The following FRMD3 variants were observed in gnomAD, a reference collection of about 807,000 sequenced individuals.
FRMD3 encodes FERM domain containing 3, also known as FERM domain-containing protein 3.
In FRMD3, 33 loss-of-function variants were observed where a neutral mutation model predicts 70.2. The observed-to-expected ratio is 0.47, with a 90% CI of 0.36 to 0.63. The LOEUF is 0.63. FRMD3 is among the 20% of genes least tolerant of loss of function. The pLI, the probability that FRMD3 is intolerant of heterozygous loss-of-function variation, is 0.00. For synonymous variants in FRMD3, 279 were observed against 255.9 expected (o/e 1.09, Z -0.86); for missense variants, 632 against 711.4 (o/e 0.89, Z 1.27).
intron 1 of FRMD3, among the ~76,000 whole-genome samples, chr9:83,507,796 T>C (rs140469856): frequency 0.039 from 5,569 of 142,242 alleles, 170 homozygotes; most frequent in Non-Finnish European, 0.061. Context: ...TAACATTTTG[T>C]ATATAAGTAG....
At chr9:83,526,809 C>T (rs890847526) in intron 1 of FRMD3, among the ~76,000 whole-genome samples, 2 of 151,774 alleles carry the variant, frequency 1.3e-5, no homozygotes, top group Non-Finnish European at 2.9e-5. Flanking sequence ...TTCAAACAAA[C>T]TTTAATTTAC....
At chr9:83,489,885 T>C (rs1229206043) in intron 1 of FRMD3, among the ~76,000 whole-genome samples, 1 of 152,216 alleles carries the variant, frequency 6.6e-6, no homozygotes, top group Non-Finnish European at 1.5e-5. Flanking sequence ...GAAGGACCTA[T>C]GACTTTTGTT....
chr9:83,495,715 A>G (rs1165752480), intron 1 of FRMD3, among the ~76,000 whole-genome samples: 1 of 152,236 alleles, frequency 6.6e-6, no homozygotes, highest in East Asian at 1.9e-4. Context: ...GACAAAAGTC[A>G]TGGTGAATGG....
upstream of FRMD3, among the ~76,000 whole-genome samples, chr9:83,541,764 G>A (rs557699402): frequency 6.6e-6 from 1 of 152,102 alleles, no homozygotes; most frequent in Non-Finnish European, 1.5e-5. Flanking sequence ...ACTTCAGAAT[G>A]GTGTGACTCA....
chr9:83,303,525 T>C (rs1380311195), intron 10 of FRMD3, among the ~76,000 whole-genome samples: 2 of 152,218 alleles, frequency 1.3e-5, no homozygotes, highest in Non-Finnish European at 2.9e-5. Context: ...CCCAAGAATC[T>C]GCATTTCCAA....
At chr9:83,290,748 G>A in intron 12 of FRMD3, 21 bp from the exon 13 acceptor site, 1 of 1,588,994 alleles carries the variant, frequency 6.3e-7, no homozygotes, top group East Asian at 2.2e-5. Context: ...ACACAAGCCA[G>A]ACAGAGTTGG....
At chr9:83,293,394 G>T (rs1295874302) in intron 12 of FRMD3, among the ~76,000 whole-genome samples, 1 of 152,136 alleles carries the variant, frequency 6.6e-6, no homozygotes, top group Non-Finnish European at 1.5e-5. Flanking sequence ...TCTTGCACGT[G>T]CAGTTCTGAA....
upstream of FRMD3, among the ~76,000 whole-genome samples, chr9:83,542,935 T>C (rs2131574419): frequency 6.6e-6 from 1 of 152,262 alleles, no homozygotes; most frequent in South Asian, 2.1e-4. Flanking sequence ...CCACACACTG[T>C]TCACAAATTT....
At chr9:83,273,027 A>G (rs4391510) in intron 13 of FRMD3, among the ~76,000 whole-genome samples, 132,444 of 147,106 alleles carry the variant, frequency 0.9, 59,779 homozygotes, top group East Asian at 1. Flanking sequence ...GCCCCCACCC[A>G]GCCAGCTGCC....
chr9:83,328,089 C>T (rs1316551409), intron 6 of FRMD3, among the ~76,000 whole-genome samples: 1 of 151,898 alleles, frequency 6.6e-6, no homozygotes, highest in Non-Finnish European at 1.5e-5. Context: ...GTGCACAATG[C>T]ACGGAAACTC....
Position 83,245,527 on chromosome 9 carries a change from C to T in FRMD3, c.*2391G>A, listed in dbSNP as rs1357285333. ...CCACCTAAGAGAAAAGAGATGTTAG[C>T]TGGAAATGTTAAAATAATATATTTA... is the stretch of plus-strand genomic sequence containing the variant. On this transcript the variant is annotated 3_prime_UTR_variant, in exon 14 of 14. Transcript: ENST00000304195. 4 of 969,866 alleles carry T rather than the reference C, an allele frequency of 4.1e-6. No homozygotes were observed. In the African/African-American group the frequency reaches 7.0e-5, roughly 17 times the overall value. 60.1% of individuals were successfully genotyped at this position (969,866 alleles called of 1,614,324 possible).
At chr9:83,384,329 T>G (rs1587800471) in intron 2 of FRMD3, among the ~76,000 whole-genome samples, 1 of 152,152 alleles carries the variant, frequency 6.6e-6, no homozygotes. Context: ...GAAGTAATTA[T>G]CCCGAGAAGC....
intron 1 of FRMD3, among the ~76,000 whole-genome samples, chr9:83,519,243 T>C (rs185513826): frequency 6.6e-6 from 1 of 151,994 alleles, no homozygotes; most frequent in Admixed American, 6.6e-5. Flanking sequence ...AATCTATCCA[T>C]CTGACAAAGG....
At chr9:83,493,028 C>A (rs943250092) in intron 1 of FRMD3, among the ~76,000 whole-genome samples, 2 of 152,110 alleles carry the variant, frequency 1.3e-5, no homozygotes, top group Non-Finnish European at 2.9e-5. Context: ...AATGATCCTT[C>A]TAGAATCCCT....
intron 12 of FRMD3, 54 bp from the exon 13 acceptor site, chr9:83,290,781 C>A: frequency 1.3e-6 from 2 of 1,549,106 alleles, no homozygotes; most frequent in Non-Finnish European, 1.7e-6. Flanking sequence ...ATGCTGGCCC[C>A]TCCATCTCAG....
At chr9:83,542,808 T>C (rs1830013477), upstream of FRMD3, among the ~76,000 whole-genome samples, 1 of 152,110 alleles carries the variant, frequency 6.6e-6, no homozygotes, top group South Asian at 2.1e-4. Context: ...ACAAATACAG[T>C]CAATTGATAT....
intron 4 of FRMD3, among the ~76,000 whole-genome samples, chr9:83,345,078 C>A (rs1475402500): frequency 6.6e-6 from 1 of 152,178 alleles, no homozygotes; most frequent in African/African-American, 2.4e-5. Flanking sequence ...CATTGGTTCA[C>A]TGAAAGCACA....
At chr9:83,535,106 T>C (rs1267418941) in intron 1 of FRMD3, among the ~76,000 whole-genome samples, 1 of 152,186 alleles carries the variant, frequency 6.6e-6, no homozygotes, top group South Asian at 2.1e-4. Context: ...GTCACTTAAG[T>C]TATTAGCTTC....
At chr9:83,501,612 A>G (rs556374904) in intron 1 of FRMD3, among the ~76,000 whole-genome samples, 207 of 152,334 alleles carry the variant, frequency 1.4e-3, no homozygotes, top group Non-Finnish European at 2.6e-3. Context: ...ACATTATACA[A>G]AACTATGCAT....
Sources: allele counts gnomAD v4.1 joint callset (sites outside exome capture counted in the v4.1 genomes callset), GRCh38; gene constraint gnomAD v4.1.1; transcripts MANE v1.5; gene names NCBI Gene and HGNC (gene_info 2026-07-23, HGNC 2026-07-21).